Variants in PELI2 observed in about 807,000 individuals in gnomAD.
PELI2 encodes pellino E3 ubiquitin protein ligase family member 2, also known as E3 ubiquitin-protein ligase pellino homolog 2.
PELI2 carries 23 observed loss-of-function variants against 42.3 expected under a neutral mutation model. The ratio of observed to expected loss-of-function variants is 0.54; its 90% CI spans 0.39 to 0.77. PELI2 has a LOEUF of 0.77. Among genes scored for constraint, PELI2 ranks in the 30% least tolerant of loss-of-function variants. PELI2 has a pLI of 0.00. For synonymous variants in PELI2, 245 were observed against 212.2 expected, an observed-to-expected ratio of 1.15 and a Z score of -1.34; for missense variants, 463 against 553.2, an observed-to-expected ratio of 0.84 and a Z score of 1.64.
chr14:56,199,874 C>CACA (rs1886269811), intron 2 of PELI2, among the ~76,000 whole-genome samples: 2 of 152,196 alleles, frequency 1.3e-5, no homozygotes, highest in Admixed American at 6.5e-5. Flanking sequence ...ACAGGTGGTG[C>CACA]TCAATAAATC....
At chr14:56,158,911 A>G (rs1842107902) in intron 1 of PELI2, among the ~76,000 whole-genome samples, 1 of 152,226 alleles carries the variant, frequency 6.6e-6, no homozygotes, top group Non-Finnish European at 1.5e-5. Flanking sequence ...CTTCTTTAAT[A>G]TATACTCATT....
intron 2 of PELI2, among the ~76,000 whole-genome samples, chr14:56,186,166 C>T (rs1594620287): frequency 6.6e-6 from 1 of 152,078 alleles, no homozygotes; most frequent in Admixed American, 6.6e-5. Context: ...AGAGGGACTC[C>T]ACCTGCTGCT....
intron 1 of PELI2, among the ~76,000 whole-genome samples, chr14:56,164,966 G>A (rs1161593747): frequency 8.3e-6 from 1 of 119,910 alleles, no homozygotes; most frequent in Non-Finnish European, 1.9e-5. Context: ...CAATTTTGTT[G>A]GTTTTTTTTT....
In PELI2 at chr14:56,138,435, A is replaced by C. The variant is rs994133059; in HGVS notation, c.77+19698A>C. Among the ~76,000 whole-genome samples the C allele has an allele frequency of 7.2e-5, 11 of 152,034 alleles. No homozygotes were observed. The East Asian group carries it at 1.9e-3, about 27-fold the overall frequency. ...TCTTAGGTGTCCCCTGCAACTTTTT[A>C]ATCAAAGTACAGGTGATTCTGTGGT... On this transcript the variant is annotated intron_variant, in intron 1 of 5. Coordinates refer to ENST00000267460, the MANE Select transcript of PELI2 (RefSeq NM_021255.3).
intron 2 of PELI2, among the ~76,000 whole-genome samples, chr14:56,214,886 A>T (rs1886844571): frequency 6.6e-6 from 1 of 152,222 alleles, no homozygotes; most frequent in Admixed American, 6.5e-5. Flanking sequence ...TAAACAGTGC[A>T]GTGCAGCATT....
chr14:56,199,662 C>T (rs576857454), intron 2 of PELI2, among the ~76,000 whole-genome samples: 1 of 152,208 alleles, frequency 6.6e-6, no homozygotes, highest in Non-Finnish European at 1.5e-5. Context: ...TTGACACATT[C>T]ATCCTGATTT....
intron 2 of PELI2, among the ~76,000 whole-genome samples, chr14:56,276,278 G>A (rs1889288487): frequency 6.6e-6 from 1 of 152,268 alleles, no homozygotes; most frequent in Admixed American, 6.5e-5. Context: ...ACAAGGTCAT[G>A]TGAGCCCTAA....
At chr14:56,225,983 T>C in intron 2 of PELI2, among the ~76,000 whole-genome samples, 1 of 152,110 alleles carries the variant, frequency 6.6e-6, no homozygotes, top group Admixed American at 6.5e-5. Flanking sequence ...TCAGAATCTG[T>C]GTTTTTAACA....
At chr14:56,206,123 T>TAC (rs1164736166) in intron 2 of PELI2, among the ~76,000 whole-genome samples, 6 of 152,146 alleles carry the variant, frequency 3.9e-5, no homozygotes, top group African/African-American at 1.4e-4. Context: ...TTTACTAGAG[T>TAC]ATTTGCAGTA....
At chr14:56,222,551 G>A (rs1887179043) in intron 2 of PELI2, among the ~76,000 whole-genome samples, 1 of 152,174 alleles carries the variant, frequency 6.6e-6, no homozygotes, top group Non-Finnish European at 1.5e-5. Flanking sequence ...CTGATATCAT[G>A]CCTTAAAATG....
intron 3 of PELI2, 22 bp downstream of exon 3, chr14:56,279,799 A>T (rs1206352950): frequency 7.9e-7 from 1 of 1,271,906 alleles, no homozygotes; most frequent in South Asian, 1.3e-5. Context: ...CTTTTTTAAT[A>T]GAAATTTTAG....
intron 1 of PELI2, among the ~76,000 whole-genome samples, chr14:56,141,743 GA>G (rs766148160): frequency 1.3e-5 from 2 of 152,112 alleles, no homozygotes; most frequent in Non-Finnish European, 2.9e-5. Context: ...CAGCATGGGG[GA>G]AACCACCCCC....
rs554505346 is a variant in PELI2, at chr14:56,180,741, C to T, written c.207+2277C>T. Among the ~76,000 whole-genome samples, 33 of 151,980 alleles carry T rather than the reference C, an allele frequency of 2.2e-4. No individual in the cohort carries two copies. Among genetic ancestry groups the T allele is most frequent in the East Asian group, 1.6e-3 (8 of 5,156 alleles). On this transcript the variant is annotated intron_variant, in intron 2 of 5. Coordinates refer to ENST00000267460, the MANE Select transcript of PELI2 (RefSeq NM_021255.3). The surrounding 1 kb of genome is among the most constrained non-coding windows in gnomAD (Gnocchi z 4.4). ...CTTGGCGCCCCCCATCTACCTCTTC[C>T]GCCCCTTACTCCTGCTCCCTCTCAA...
chr14:56,196,913 C>T (rs942775195), intron 2 of PELI2, among the ~76,000 whole-genome samples: 2 of 152,146 alleles, frequency 1.3e-5, no homozygotes, highest in East Asian at 1.9e-4. Flanking sequence ...GGAATTTTCT[C>T]ACTTAAGCTT....
chr14:56,186,508 A>G (rs1885774691), intron 2 of PELI2, among the ~76,000 whole-genome samples: 1 of 152,214 alleles, frequency 6.6e-6, no homozygotes, highest in Non-Finnish European at 1.5e-5. Flanking sequence ...TGTTATAACC[A>G]CAAGAGAAAA....
chr14:56,148,940 T>C (rs961850547), intron 1 of PELI2, among the ~76,000 whole-genome samples: 1 of 152,096 alleles, frequency 6.6e-6, no homozygotes, highest in African/African-American at 2.4e-5. Flanking sequence ...AGGCAGCCCA[T>C]GAATATCGGA....
chr14:56,158,654 C>T (rs1414726272), intron 1 of PELI2, among the ~76,000 whole-genome samples: 3 of 152,142 alleles, frequency 2.0e-5, no homozygotes, highest in East Asian at 1.9e-4. Context: ...CACACCTGGC[C>T]GAGATTATTT....
intron 2 of PELI2, among the ~76,000 whole-genome samples, chr14:56,181,865 TG>T (rs1239618191): frequency 9.5e-4 from 145 of 152,208 alleles, no homozygotes; most frequent in African/African-American, 3.3e-3. Context: ...TGTGTGTGTG[TG>T]TGTGTGTTTT....
intron 1 of PELI2, among the ~76,000 whole-genome samples, chr14:56,137,019 A>G (rs1356958263): frequency 6.6e-6 from 1 of 152,198 alleles, no homozygotes; most frequent in African/African-American, 2.4e-5. Flanking sequence ...GTCTAGTCTT[A>G]TGTTGACTGG....
Sources: gnomAD v4.1 joint callset for allele counts (sites outside exome capture counted in the v4.1 genomes callset) on GRCh38, gnomAD v4.1.1 for gene constraint, Gnocchi (gnomAD v3.1) non-coding constraint, MANE v1.5 for transcripts, NCBI Gene and HGNC (gene_info 2026-07-23, HGNC 2026-07-21) for gene names.